ATAD2B: variants seen among roughly 807,000 people sequenced by gnomAD.
The protein encoded by ATAD2B is ATPase family AAA domain-containing protein 2B.
In ATAD2B, 40 loss-of-function variants were observed where a neutral mutation model predicts 167.6. That is an observed-to-expected ratio of 0.24 (90% confidence interval 0.19 to 0.31). The LOEUF is 0.31. Among genes scored for constraint, ATAD2B ranks in the 10% least tolerant of loss-of-function variants. The pLI, the probability that ATAD2B is intolerant of heterozygous loss-of-function variation, is 1.00. For missense variants in ATAD2B, 1,242 were observed against 1,757.2 expected (o/e 0.71, Z 5.24); for synonymous variants, 579 against 596.5 (o/e 0.97, Z 0.43).
chr2:23,836,439 C>A (rs978455345), intron 13 of ATAD2B, among the ~76,000 whole-genome samples: 4 of 152,176 alleles, frequency 2.6e-5, no homozygotes, highest in Admixed American at 6.5e-5. Flanking sequence ...CTTCTCTCCT[C>A]TTCACCCACA....
intron 15 of ATAD2B, 124 bp from the exon 16 acceptor site, chr2:23,823,693 AT>A: frequency 1.2e-6 from 1 of 835,446 alleles, no homozygotes; most frequent in Non-Finnish European, 1.7e-6. Flanking sequence ...ACTATGTGCA[AT>A]TTTACCAGCA....
At chr2:23,831,294 A>T (rs1189635513) in intron 14 of ATAD2B, among the ~76,000 whole-genome samples, 1 of 152,230 alleles carries the variant, frequency 6.6e-6, no homozygotes, top group Non-Finnish European at 1.5e-5. Flanking sequence ...AAAGAAATTA[A>T]AAAGCATTAT....
At chr2:23,832,318 C>CCCAG in intron 14 of ATAD2B, 1 of 421,750 alleles carries the variant, frequency 2.4e-6, no homozygotes, top group South Asian at 1.8e-5. Flanking sequence ...TTTCCACAGA[C>CCCAG]CCAGGCTTGA....
Position 23,926,780 on chromosome 2 carries a change from AG to A in ATAD2B, c.-11del. The A allele has an allele frequency of 6.6e-7, 1 of 1,514,742 alleles. No homozygotes were observed. Among genetic ancestry groups the A allele is most frequent in the Non-Finnish European group, 8.9e-7 (1 of 1,129,282 alleles). The allele number at this position is 1,514,742 out of a possible 1,614,324, so 93.8% of individuals were successfully genotyped here. A position where few individuals can be genotyped will look rare whatever the true frequency, so the allele number is the denominator to read the frequency against. On this transcript the variant is annotated 5_prime_UTR_variant, in exon 1 of 28. Coordinates refer to ENST00000238789, the MANE Select transcript of ATAD2B (RefSeq NM_017552.4). ...TCCGGGTGTTCACCATGGTCCAGCC[AG>A]GGGGACGGAGTCCACGCCGCGCCCG...
the ATAD2B span, among the ~76,000 whole-genome samples, chr2:23,721,275 T>C: frequency 1.3e-5 from 2 of 152,206 alleles, no homozygotes; most frequent in Admixed American, 1.3e-4. Context: ...ACCTGCTTAA[T>C]GGCCCTATGC....
At chr2:23,762,640 G>A (rs1182980526) in intron 23 of ATAD2B, among the ~76,000 whole-genome samples, 3 of 152,052 alleles carry the variant, frequency 2.0e-5, no homozygotes, top group African/African-American at 7.2e-5. Context: ...TTATGACTGT[G>A]GAACAATAAG....
intron 13 of ATAD2B, among the ~76,000 whole-genome samples, chr2:23,851,355 G>C (rs1234784196): frequency 6.6e-6 from 1 of 152,142 alleles, no homozygotes; most frequent in Non-Finnish European, 1.5e-5. Flanking sequence ...TGCCCAGGCT[G>C]GTCTCAAACT....
At chr2:23,700,015 T>C in the ATAD2B span, among the ~76,000 whole-genome samples, 1 of 152,186 alleles carries the variant, frequency 6.6e-6, no homozygotes. The surrounding 1 kb of genome is among the most constrained non-coding windows in gnomAD (Gnocchi z 4.6). Context: ...ACAGCTACAC[T>C]CGTGCCATCC....
chr2:23,888,153 A>G (rs1341593641), intron 3 of ATAD2B, among the ~76,000 whole-genome samples, 168 bp from the exon 4 acceptor site: 2 of 152,222 alleles, frequency 1.3e-5, no homozygotes, highest in African/African-American at 4.8e-5. Context: ...ACAATCTGTC[A>G]TAAATAATTT....
At chr2:23,899,514 A>T (rs1156936088) in intron 1 of ATAD2B, among the ~76,000 whole-genome samples, 1 of 152,146 alleles carries the variant, frequency 6.6e-6, no homozygotes, top group Non-Finnish European at 1.5e-5. Flanking sequence ...TTTAAGATAT[A>T]CTTCAATCTT....
chr2:23,759,097 TAA>T, intron 24 of ATAD2B, among the ~76,000 whole-genome samples: 1 of 152,172 alleles, frequency 6.6e-6, no homozygotes, highest in African/African-American at 2.4e-5. Context: ...TCAGAACACT[TAA>T]ATACAAAAAT....
intron 6 of ATAD2B, 108 bp from the exon 7 acceptor site, chr2:23,880,863 C>T (rs938673285): frequency 6.9e-5 from 47 of 683,884 alleles, no homozygotes; most frequent in Admixed American, 6.7e-4. Flanking sequence ...TCTTTCTGCA[C>T]AGGTGACATT....
intron 12 of ATAD2B, among the ~76,000 whole-genome samples, chr2:23,861,839 G>A (rs924590378): frequency 6.6e-6 from 1 of 152,092 alleles, no homozygotes; most frequent in East Asian, 1.9e-4. Flanking sequence ...CACTGGACAC[G>A]TTCAAGGTAA....
At chr2:23,913,427 G>T (rs1381945832) in intron 1 of ATAD2B, among the ~76,000 whole-genome samples, 1 of 152,088 alleles carries the variant, frequency 6.6e-6, no homozygotes, top group Non-Finnish European at 1.5e-5. Flanking sequence ...ATCACTTGAG[G>T]TCAGGAGTTC....
At chr2:23,766,920 G>GAA (rs35692182) in intron 22 of ATAD2B, among the ~76,000 whole-genome samples, 486 of 144,166 alleles carry the variant, frequency 3.4e-3, no homozygotes, top group East Asian at 8.6e-3. Flanking sequence ...AGTAAGGGGG[G>GAA]AAAAAAAAAA....
rs570863722 is a variant in ATAD2B, at chr2:23,887,956, T to C, written c.448A>G (p.Lys150Glu). The stretch of plus-strand genomic sequence containing the variant: ...CAAGAAAGGTCCCCATCTCCCTTCT[T>C]TTCCCCTCGAAGGGGATGGCTTCGA... ...SLRSHPLRGE[K>E]KGDGDLSCIN... The change falls in exon 4 of 28, where the codon AAG becomes GAG. Residue 150 changes from lysine (K) to glutamate (E), a missense_variant. Transcript: ENST00000238789. 7.7e-5 allele frequency: 123 copies of C among 1,604,386 alleles called. 1 individual carries two copies. In the South Asian group the frequency reaches 1.4e-3, roughly 18 times the overall value.
At chr2:23,701,077 T>G in the ATAD2B span, among the ~76,000 whole-genome samples, 4 of 152,218 alleles carry the variant, frequency 2.6e-5, no homozygotes, top group Admixed American at 1.3e-4. Context: ...CCACAAATAC[T>G]GTAAACTTCC....
intron 8 of ATAD2B, among the ~76,000 whole-genome samples, 153 bp downstream of exon 8, chr2:23,875,676 C>A (rs2150147973): frequency 6.6e-6 from 1 of 152,306 alleles, no homozygotes; most frequent in Non-Finnish European, 1.5e-5. Context: ...GTGAATGTAA[C>A]TGTTAAAACA....
chr2:23,711,494 C>G, the ATAD2B span, among the ~76,000 whole-genome samples: 3 of 151,378 alleles, frequency 2.0e-5, no homozygotes, highest in Non-Finnish European at 4.4e-5. Context: ...CTCAGCCTCC[C>G]AAGTAGCTGG....
Sources: allele counts gnomAD v4.1 joint callset (sites outside exome capture counted in the v4.1 genomes callset), GRCh38; gene constraint gnomAD v4.1.1; non-coding constraint Gnocchi (gnomAD v3.1); transcripts MANE v1.5; gene names NCBI Gene and HGNC (gene_info 2026-07-23, HGNC 2026-07-21).